Variants in CLASP2 observed in about 807,000 individuals in gnomAD.
CLASP2 encodes cytoplasmic linker associated protein 2.
Under a neutral mutation model 194.4 loss-of-function variants are expected in CLASP2, and 47 were observed. The observed-to-expected ratio is 0.24, with a 90% CI of 0.19 to 0.31. CLASP2 has a LOEUF of 0.31. CLASP2 is among the 10% of genes least tolerant of loss of function. CLASP2 has a pLI of 1.00. For missense variants in CLASP2, 1,445 were observed against 1,823.6 expected (o/e 0.79, Z 3.78); for synonymous variants, 619 against 633.5 (o/e 0.98, Z 0.34).
Position 33,594,965 on chromosome 3 carries a change from G to A in CLASP2, c.1952C>T (p.Thr651Ile). 1 of 1,426,040 alleles carries A rather than the reference G, an allele frequency of 7.0e-7. No homozygotes were observed. Among genetic ancestry groups the A allele is most frequent in the South Asian group, 1.5e-5 (1 of 67,054 alleles). 88.3% of individuals were successfully genotyped at this position (1,426,040 alleles called of 1,614,324 possible). A position where few individuals can be genotyped will look rare whatever the true frequency, so the allele number is the denominator to read the frequency against. ...ATAGTTCTTACCATCTTCAGATGCT[G>A]TTCCTAAATAAGAAAAATAAAACAA... ...LEDTSDKLDG[T>I]ASEDGRVRAK... The change falls in exon 20 of 39, where the codon ACA becomes ATA. Residue 651 changes from threonine (T) to isoleucine (I), a missense_variant. Physicochemically the swap from Thr to Ile is moderately conservative, Grantham distance 89. Around this residue, in one of 4 missense-constraint regions of CLASP2, gnomAD observed 174 missense variants for 179.0 expected, o/e 0.97. Coordinates refer to ENST00000682230, the MANE Select transcript of CLASP2 (RefSeq NM_001365631.1).
chr3:33,498,593 T>C lies in CLASP2; in HGVS notation c.*38A>G. 7.1e-7 allele frequency: 1 copy of C among 1,408,574 alleles called. No individual in the cohort carries two copies. Among genetic ancestry groups the C allele is most frequent in the Non-Finnish European group, 1.0e-6 (1 of 997,462 alleles). The allele number at this position is 1,408,574 out of a possible 1,614,324, so 87.3% of individuals were successfully genotyped here. ...ATTGATGAGGGTGGTCTATCTGTCC[T>C]TTCTTTTGAGAGACCTGGTTCGCTG... On this transcript the variant is annotated 3_prime_UTR_variant, in exon 39 of 39. Transcript: ENST00000682230.
chr3:33,590,887 A>C (rs904637117), intron 21 of CLASP2, among the ~76,000 whole-genome samples: 5 of 152,210 alleles, frequency 3.3e-5, no homozygotes, highest in African/African-American at 1.2e-4. Flanking sequence ...TTCTTTCAAA[A>C]ATAGCCAAGT....
chr3:33,560,910 T>C lies in CLASP2; in HGVS notation c.2828A>G (p.Gln943Arg). ...TGTCAGCAGTACAAACAACCAATCT[T>C]GAAGATCATCTTTGTGGACTTGTAT... ...DFIQVHKDDL[Q>R]DWLFVLLTQL... The change falls in exon 28 of 39, where the codon CAA (glutamine) becomes CGA (arginine). Residue 943 changes from glutamine to arginine, a missense_variant. Physicochemically the swap from Gln to Arg is conservative, Grantham distance 43. Coordinates refer to ENST00000682230, the MANE Select transcript of CLASP2 (RefSeq NM_001365631.1). The C allele has an allele frequency of 1.9e-6, 3 of 1,613,904 alleles. No individual in the cohort carries two copies. The highest frequency in any genetic ancestry group is 2.5e-6 in the Non-Finnish European group (3 of 1,179,830).
chr3:33,528,345 T>C (rs961637095), intron 34 of CLASP2, among the ~76,000 whole-genome samples: 3 of 152,146 alleles, frequency 2.0e-5, no homozygotes, highest in African/African-American at 7.2e-5. Flanking sequence ...TTATTCAAAA[T>C]GGGCAAAAGC....
chr3:33,601,219 CAA>C (rs2072091625), intron 18 of CLASP2, among the ~76,000 whole-genome samples: 1 of 152,154 alleles, frequency 6.6e-6, no homozygotes, highest in Non-Finnish European at 1.5e-5. Context: ...CTCGGCCTCC[CAA>C]AGTGCTGGGA....
intron 1 of CLASP2, among the ~76,000 whole-genome samples, chr3:33,710,695 G>C (rs1000700144): frequency 2.6e-5 from 4 of 152,244 alleles, no homozygotes; most frequent in Admixed American, 1.3e-4. Flanking sequence ...AGTACTTTGG[G>C]AGGCCAAGGC....
chr3:33,498,830 G>A, intron 38 of CLASP2, 113 bp from the exon 39 acceptor site: 1 of 502,030 alleles, frequency 2.0e-6, no homozygotes, highest in Non-Finnish European at 3.4e-6. Context: ...TTTTAGGCTG[G>A]GGGTTATTAT....
chr3:33,535,274 T>C lies in CLASP2; in HGVS notation c.3746A>G (p.Lys1249Arg). The C allele has an allele frequency of 6.2e-7, 1 of 1,613,996 alleles. No individual in the cohort carries two copies. The highest frequency in any genetic ancestry group is 1.3e-5 in the African/African-American group (1 of 75,066). The change falls in exon 34 of 39, where the codon AAG becomes AGG. Residue 1249 changes from lysine to arginine, a missense_variant. By Grantham distance (26) the Lys-to-Arg change is conservative (BLOSUM62 2). This residue lies in a region of CLASP2 where 732 missense variants were observed against 987.9 expected (regional missense o/e 0.74). Coordinates refer to ENST00000682230, the MANE Select transcript of CLASP2 (RefSeq NM_001365631.1). ...AGCATCATCATCAAACATGGCTTCCTTGAGGGCAGACTTGTTGAAGGGACT... is the reference window on the plus strand; with the variant it reads ...AGCATCATCATCAAACATGGCTTCCCTGAGGGCAGACTTGTTGAAGGGACT... ...SISPFNKSAL[K>R]EAMFDDDADQ... is the part of the protein sequence containing the mutation.
At chr3:33,609,116 T>C (rs2074557835) in intron 13 of CLASP2, among the ~76,000 whole-genome samples, 1 of 151,722 alleles carries the variant, frequency 6.6e-6, no homozygotes, top group East Asian at 1.9e-4. Context: ...TCTGTCTCTA[T>C]TAAAAATACA....
chr3:33,703,497 T>C (rs545727733), intron 1 of CLASP2, among the ~76,000 whole-genome samples: 12 of 152,356 alleles, frequency 7.9e-5, no homozygotes, highest in African/African-American at 2.4e-4. Flanking sequence ...CATTCACTAC[T>C]GGTGGGAATG....
At chr3:33,618,622 G>A (rs1004027019) in intron 12 of CLASP2, among the ~76,000 whole-genome samples, 48 of 152,170 alleles carry the variant, frequency 3.2e-4, no homozygotes, top group South Asian at 4.1e-4. Context: ...ACTCCTGCCT[G>A]GGTGACAGAG....
At chr3:33,515,595 G>A (rs1001631390) in intron 36 of CLASP2, among the ~76,000 whole-genome samples, 1 of 152,148 alleles carries the variant, frequency 6.6e-6, no homozygotes, top group African/African-American at 2.4e-5. Flanking sequence ...GCTGCAGTGA[G>A]CTGTGATCAC....
At chr3:33,667,448 T>C (rs1184343174) in intron 6 of CLASP2, among the ~76,000 whole-genome samples, 1 of 147,946 alleles carries the variant, frequency 6.8e-6, no homozygotes, top group Non-Finnish European at 1.5e-5. Flanking sequence ...TTTGCAAGTA[T>C]TTACTCCCAT....
intron 5 of CLASP2, among the ~76,000 whole-genome samples, chr3:33,686,704 G>A (rs1020512228): frequency 6.6e-6 from 1 of 152,092 alleles, no homozygotes. Context: ...AAAATGTTAT[G>A]CAGCCAATTT....
chr3:33,592,351 C>G, intron 21 of CLASP2, 44 bp downstream of exon 21: 1 of 1,336,966 alleles, frequency 7.5e-7, no homozygotes. Context: ...CACACTTATC[C>G]TAACATAGTG....
intron 1 of CLASP2, among the ~76,000 whole-genome samples, chr3:33,699,854 C>T (rs2092244055): frequency 1.4e-5 from 2 of 146,030 alleles, no homozygotes; most frequent in South Asian, 2.2e-4. Context: ...AAAGCAAAAC[C>T]ACAGATTATT....
chr3:33,677,827 G>C (rs1179422913), intron 6 of CLASP2, among the ~76,000 whole-genome samples: 2 of 143,762 alleles, frequency 1.4e-5, no homozygotes, highest in Non-Finnish European at 3.0e-5. Flanking sequence ...CAAAAACTAT[G>C]ATTAATAGCT....
chr3:33,674,379 T>C (rs2154339726), intron 6 of CLASP2, among the ~76,000 whole-genome samples: 1 of 151,984 alleles, frequency 6.6e-6, no homozygotes. Context: ...GAAATGAAGA[T>C]GTTCTTTGAA....
chr3:33,526,139 AT>A (rs2054505203), intron 34 of CLASP2, among the ~76,000 whole-genome samples: 1 of 151,376 alleles, frequency 6.6e-6, no homozygotes, highest in Non-Finnish European at 1.5e-5. Context: ...TGCCCAGCTA[AT>A]TTTTGTATTT....
Sources: gnomAD v4.1 joint callset for allele counts (sites outside exome capture counted in the v4.1 genomes callset) on GRCh38, gnomAD v4.1.1 for gene constraint, gnomAD v4.1.1 regional missense constraint, MANE v1.5 for transcripts, NCBI Gene and HGNC (gene_info 2026-07-23, HGNC 2026-07-21) for gene names.